The following CCDC57 variants were observed in gnomAD, a reference collection of about 807,000 sequenced individuals.
CCDC57 encodes coiled-coil domain-containing protein 57.
Under a neutral mutation model 118.9 loss-of-function variants are expected in CCDC57, and 118 were observed. That is an observed-to-expected ratio of 0.99 (90% CI 0.86 to 1.16). The LOEUF (loss-of-function observed/expected upper bound fraction) is 1.16. CCDC57 is among the 50% of genes most tolerant of loss of function. The pLI is 0.00. For missense variants in CCDC57, 1,300 were observed against 1,320.7 expected (o/e 0.98, Z 0.24); for synonymous variants, 527 against 532.9 (o/e 0.99, Z 0.15).
At chr17:82,110,305 A>G (rs2035155208) in intron 19 of CCDC57, among the ~76,000 whole-genome samples, 1 of 152,250 alleles carries the variant, frequency 6.6e-6, no homozygotes, top group South Asian at 2.1e-4. Flanking sequence ...AAAAGGTAAG[A>G]CTTCAGATGC....
At chr17:82,141,422 G>A (rs896253172) in intron 16 of CCDC57, among the ~76,000 whole-genome samples, 9 of 152,150 alleles carry the variant, frequency 5.9e-5, no homozygotes, top group Non-Finnish European at 1.0e-4. Context: ...GATGGACCTC[G>A]TGGTCCACCT....
intron 16 of CCDC57, 57 bp downstream of exon 15, chr17:82,151,503 G>A: frequency 2.0e-6 from 3 of 1,510,418 alleles, no homozygotes; most frequent in Non-Finnish European, 1.8e-6. Flanking sequence ...CCAGAACCAG[G>A]TGCACACCCA....
chr17:82,137,644 A>G (rs2039399013), intron 16 of CCDC57, among the ~76,000 whole-genome samples: 1 of 150,222 alleles, frequency 6.7e-6, no homozygotes, highest in African/African-American at 2.4e-5. Flanking sequence ...TGAATTCTAA[A>G]TGTCAAATAA....
intron 17 of CCDC57, among the ~76,000 whole-genome samples, chr17:82,131,591 A>G (rs1426049075): frequency 6.6e-6 from 1 of 151,946 alleles, no homozygotes; most frequent in Non-Finnish European, 1.5e-5. Flanking sequence ...AAAACAAACA[A>G]ACAAACAAAA....
Position 82,157,638 on chromosome 17 carries a change from C to G in CCDC57, c.2241+110G>C, listed in dbSNP as rs886449804. ...CACGGCCTTCACTGCAGCCCTCGTC[C>G]CACCTGAGCTCCCAGGGCATACAGA... On this transcript the variant is annotated intron_variant, in intron 15 of 19. Coordinates refer to ENST00000665763, the Ensembl canonical transcript of CCDC57. 2.0e-6 allele frequency: 3 copies of G among 1,466,958 alleles called. No homozygotes were observed. In the African/African-American group the frequency reaches 4.2e-5, roughly 21 times the overall value. 90.9% of individuals were successfully genotyped at this position (1,466,958 alleles called of 1,614,324 possible). A position where few individuals can be genotyped will look rare whatever the true frequency, so the allele number is the denominator to read the frequency against.
At chr17:82,184,058 C>CACAG in intron 8 of CCDC57, 126 bp from the exon 8 acceptor site, 2 of 580,816 alleles carry the variant, frequency 3.4e-6, no homozygotes. Context: ...CACACACACA[C>CACAG]ACACACACAC....
chr17:82,102,793 C>T (rs8064690), intron 19 of CCDC57, among the ~76,000 whole-genome samples: 2,574 of 151,424 alleles, frequency 0.017, 77 homozygotes, highest in African/African-American at 0.06. Flanking sequence ...GCTGAGGCAG[C>T]GGAGTCGCTT....
rs776337278 is a variant in CCDC57 at position 82,198,358 on chromosome 17, T to C, written c.472A>G (p.Arg158Gly). Residue 158 changes from arginine to glycine, a missense_variant, in exon 4 of 20, where the codon AGA (arginine) becomes GGA (glycine). Physicochemically the swap from Arg to Gly is moderately radical, Grantham distance 125 (BLOSUM62 -2). Transcript: ENST00000665763. ...TCACCGTCGAGCTCCTCAAGTTTTC[T>C]CTCCAGTGTCCATTTTAGATTTTCA... 2.5e-6 allele frequency: 4 copies of C among 1,613,552 alleles called. No homozygotes were observed. The South Asian group carries it at 3.3e-5, about 13-fold the overall frequency.
At position 82,188,438 on chromosome 17, in the gene CCDC57, C is replaced by T. The variant is rs1392456012; in HGVS notation, c.852-19G>A. The T allele has an allele frequency of 3.7e-6, 6 of 1,602,074 alleles. No individual in the cohort carries two copies. The highest frequency in any genetic ancestry group is 5.1e-6 in the Non-Finnish European group (6 of 1,175,396). On this transcript the variant is annotated intron_variant, in intron 7 of 19. Coordinates refer to ENST00000665763, the Ensembl canonical transcript of CCDC57. ...CTCATGCCTGAAACACAGTGAGTGT[C>T]CCATGGCGCTCACCCAGCCCCCAAC... is the stretch of plus-strand genomic sequence containing the variant.
At chr17:82,150,049 C>G (rs71375075) in intron 16 of CCDC57, among the ~76,000 whole-genome samples, 26,031 of 66,050 alleles carry the variant, frequency 0.39, 6,343 homozygotes, top group East Asian at 0.86. Context: ...AATGTGACCC[C>G]CACCCAGAAC....
chr17:82,177,121 T>C (rs900916735), intron 11 of CCDC57, among the ~76,000 whole-genome samples: 1 of 152,126 alleles, frequency 6.6e-6, no homozygotes, highest in African/African-American at 2.4e-5. Context: ...GGCTCATGCC[T>C]GTAATCTGAG....
rs1407976318 is a variant in CCDC57 at position 82,192,010 on chromosome 17, G to A, written c.851+1746C>T. Among the ~76,000 whole-genome samples, 1 of 143,162 alleles carries A rather than the reference G, an allele frequency of 7.0e-6. No homozygotes were observed. The highest frequency in any genetic ancestry group is 1.5e-5 in the Non-Finnish European group (1 of 66,420). The allele number at this position is 143,162 out of a possible 152,430, so 93.9% of individuals were successfully genotyped here. A position where few individuals can be genotyped will look rare whatever the true frequency, so the allele number is the denominator to read the frequency against. On this transcript the variant is annotated intron_variant, in intron 7 of 19. Coordinates refer to ENST00000665763, the Ensembl canonical transcript of CCDC57. This position sits in a 1 kb window ranked among gnomAD's most constrained non-coding sequence, Gnocchi z 4.0. ...GACTTTTTTTTTTTTTTTTGAAACA[G>A]AGTCTCACTCTGTCACCCAGGCTGG...
chr17:82,203,032 T>C (rs79023162), intron 2 of CCDC57, among the ~76,000 whole-genome samples: 7,189 of 152,310 alleles, frequency 0.047, 225 homozygotes, highest in African/African-American at 0.089. Flanking sequence ...GCCCAAACCT[T>C]TGTGGAATTG....
intron 12 of CCDC57, 115 bp from the exon 12 acceptor site, chr17:82,171,968 C>T: frequency 1.9e-6 from 2 of 1,059,456 alleles, no homozygotes; most frequent in Non-Finnish European, 2.8e-6. Flanking sequence ...GCTTCACTGT[C>T]CCTGTCCTCC....
chr17:82,125,931 T>C (rs11650633), intron 19 of CCDC57, among the ~76,000 whole-genome samples: 80,766 of 151,242 alleles, frequency 0.53, 22,331 homozygotes, highest in Non-Finnish European at 0.58. Context: ...AGTCCGAATA[T>C]GCGGGAAGTG....
At chr17:82,199,956 T>A (rs2048796385) in intron 3 of CCDC57, among the ~76,000 whole-genome samples, 1 of 152,188 alleles carries the variant, frequency 6.6e-6, no homozygotes, top group South Asian at 2.1e-4. Flanking sequence ...ATCAACACTG[T>A]GGGCTTCCCA....
chr17:82,153,515 A>G (rs2042314974), intron 15 of CCDC57: 1 of 152,190 alleles, frequency 6.6e-6, no homozygotes, highest in African/African-American at 2.4e-5. Flanking sequence ...GAAGGAGGGC[A>G]TGGATCACAG....
chr17:82,178,732 G>T, intron 10 of CCDC57, 127 bp from the exon 10 acceptor site: 1 of 1,368,804 alleles, frequency 7.3e-7, no homozygotes, highest in Non-Finnish European at 9.8e-7. Flanking sequence ...TGGCCAGGCC[G>T]CCAAACCCTT....
Position 82,124,841 on chromosome 17 carries a change from G to A in CCDC57, c.2899+2851C>T, listed in dbSNP as rs572888184. 1.6e-4 allele frequency among the ~76,000 whole-genome samples: 24 copies of A among 152,206 alleles called. 1 individual carries two copies. In the East Asian group the frequency reaches 4.4e-3, roughly 28 times the overall value. On this transcript the variant is annotated intron_variant, in intron 19 of 19. Transcript: ENST00000665763. ...AAAAATGAGGGGGGAGCCAAGAAAC[G>A]AAAGTGCTCCAAGAGAAAAGGAGAA...
Sources: gnomAD v4.1 joint callset for allele counts (sites outside exome capture counted in the v4.1 genomes callset) on GRCh38, gnomAD v4.1.1 for gene constraint, Gnocchi (gnomAD v3.1) non-coding constraint, MANE v1.5 for transcripts, NCBI Gene and HGNC (gene_info 2026-07-23, HGNC 2026-07-21) for gene names.